The following AGBL3 variants were observed in gnomAD, a reference collection of about 807,000 sequenced individuals.
AGBL3 encodes the protein cytosolic carboxypeptidase 3.
In AGBL3, 68 loss-of-function variants were observed where a neutral mutation model predicts 94.5. The ratio of observed to expected loss-of-function variants is 0.72; its 90% confidence interval spans 0.59 to 0.88. The LOEUF is 0.88. Among genes scored for constraint, AGBL3 ranks in the 40% least tolerant of loss-of-function variants. The pLI is 0.00. For synonymous variants in AGBL3, 354 were observed against 370.7 expected (o/e 0.95, Z 0.52); for missense variants, 934 against 1,103.8 (o/e 0.85, Z 2.18).
At chr7:135,045,125 A>G (rs113525520) in intron 9 of AGBL3, among the ~76,000 whole-genome samples, 1,778 of 152,062 alleles carry the variant, frequency 0.012, 32 homozygotes, top group African/African-American at 0.041. Context: ...TACTGATATA[A>G]CATTTGTGAT....
intron 12 of AGBL3, among the ~76,000 whole-genome samples, chr7:135,076,171 C>G (rs1180235750): frequency 6.6e-6 from 1 of 152,200 alleles, no homozygotes; most frequent in Non-Finnish European, 1.5e-5. Flanking sequence ...GTGAACTCAT[C>G]ATCATGCCAC....
chr7:135,134,333 T>TA (rs1228980992), intron 16 of AGBL3, among the ~76,000 whole-genome samples: 1 of 152,040 alleles, frequency 6.6e-6, no homozygotes, highest in African/African-American at 2.4e-5. Flanking sequence ...AATGGAATGC[T>TA]AAAAAAACAG....
At chr7:135,110,114 G>T (rs930525693) in intron 15 of AGBL3, among the ~76,000 whole-genome samples, 2 of 152,192 alleles carry the variant, frequency 1.3e-5, no homozygotes, top group African/African-American at 4.8e-5. Context: ...TGGGAGCTCT[G>T]TCTCAGGGAG....
chr7:134,993,516 T>C lies in AGBL3; in HGVS notation c.148T>C (p.Phe50Leu). The C allele has an allele frequency of 6.5e-7, 1 of 1,548,056 alleles. No homozygotes were observed. Among genetic ancestry groups the C allele is most frequent in the Non-Finnish European group, 8.7e-7 (1 of 1,145,690 alleles). The change falls in exon 4 of 17, where the codon TTC becomes CTC. Residue 50 changes from phenylalanine (F) to leucine (L), a missense_variant. Physicochemically the swap from Phe to Leu is conservative, Grantham distance 22. Coordinates refer to ENST00000436302, the MANE Select transcript of AGBL3 (RefSeq NM_178563.4). Reference protein sequence around the residue: ...LTADSFGDPFFPRTTQILLEY... With the variant: ...LTADSFGDPFLPRTTQILLEY... ...AGCTGACTCTTTTGGTGATCCCTTC[T>C]TCCCCCGGACTACACAGATACTATT...
intron 11 of AGBL3, 129 bp downstream of exon 11, chr7:135,046,040 A>G (rs1817326963): frequency 3.0e-6 from 2 of 663,596 alleles, no homozygotes; most frequent in African/African-American, 1.8e-5. Context: ...AATTTCTCCC[A>G]TGCCCATTAT....
chr7:135,011,559 TAAGAA>T (rs1247636923), intron 4 of AGBL3: 7 of 152,092 alleles, frequency 4.6e-5, no homozygotes, highest in Admixed American at 1.3e-4. Flanking sequence ...CTGAAAGTAA[TAAGAA>T]AAGACAAACA....
At chr7:135,003,251 C>A (rs563430315) in intron 4 of AGBL3, among the ~76,000 whole-genome samples, 1 of 152,090 alleles carries the variant, frequency 6.6e-6, no homozygotes, top group Non-Finnish European at 1.5e-5. Context: ...AATGAATTAT[C>A]TTTTTCTACC....
intron 11 of AGBL3, among the ~76,000 whole-genome samples, chr7:135,053,471 G>A (rs902106721): frequency 2.0e-5 from 3 of 152,144 alleles, no homozygotes; most frequent in Non-Finnish European, 4.4e-5. Flanking sequence ...GCCAGGCATG[G>A]TGGTACATGC....
chr7:135,073,108 A>C (rs1028259126), intron 12 of AGBL3, among the ~76,000 whole-genome samples: 7 of 152,056 alleles, frequency 4.6e-5, no homozygotes, highest in Non-Finnish European at 7.4e-5. Flanking sequence ...AATCTAAAAA[A>C]GTGGACCTAA....
At chr7:135,123,343 G>A (rs1183043583) in intron 16 of AGBL3, among the ~76,000 whole-genome samples, 1 of 151,974 alleles carries the variant, frequency 6.6e-6, no homozygotes, top group Non-Finnish European at 1.5e-5. Flanking sequence ...CAAGACTAGA[G>A]AAAAAAGAAT....
At chr7:135,001,511 G>C (rs1811712411) in intron 4 of AGBL3, among the ~76,000 whole-genome samples, 1 of 152,162 alleles carries the variant, frequency 6.6e-6, no homozygotes, top group South Asian at 2.1e-4. Flanking sequence ...AAGGTAAATA[G>C]AACAGATTTG....
chr7:135,000,140 A>AT (rs2133405060), intron 4 of AGBL3, among the ~76,000 whole-genome samples: 1 of 152,316 alleles, frequency 6.6e-6, no homozygotes, highest in Non-Finnish European at 1.5e-5. Flanking sequence ...GCACTGCCTT[A>AT]TTAGAGTGTT....
chr7:135,101,364 G>T, intron 15 of AGBL3: 2 of 384,844 alleles, frequency 5.2e-6, no homozygotes, highest in South Asian at 2.0e-5. Context: ...TATGAAACTT[G>T]GATTATGGGA....
At chr7:135,027,773 T>G (rs939873400) in intron 5 of AGBL3, among the ~76,000 whole-genome samples, 1 of 151,672 alleles carries the variant, frequency 6.6e-6, no homozygotes, top group Non-Finnish European at 1.5e-5. Context: ...ACTCAGGAGA[T>G]GGACACCCTA....
At chr7:135,051,717 T>C (rs918406844) in intron 11 of AGBL3, among the ~76,000 whole-genome samples, 2 of 152,142 alleles carry the variant, frequency 1.3e-5, no homozygotes, top group Non-Finnish European at 2.9e-5. Context: ...TTATTTTTTA[T>C]ACTTGTATCT....
chr7:135,127,284 T>C (rs1311760965), intron 16 of AGBL3, among the ~76,000 whole-genome samples: 2 of 152,090 alleles, frequency 1.3e-5, no homozygotes, highest in East Asian at 1.9e-4. Context: ...TGGTTGGGTG[T>C]GGTGGCTCAC....
chr7:135,048,418 A>C (rs982012708), intron 11 of AGBL3, among the ~76,000 whole-genome samples: 5 of 151,874 alleles, frequency 3.3e-5, no homozygotes, highest in Non-Finnish European at 7.4e-5. Flanking sequence ...TAGTGATTGT[A>C]TTGAATGTGT....
Position 135,034,246 on chromosome 7 carries a change from A to G in AGBL3, c.655A>G (p.Ile219Val), listed in dbSNP as rs1385496713. ...YFQVTNMRAGIVYRFTIVNFT... is the reference protein window; with the variant it reads ...YFQVTNMRAGVVYRFTIVNFT... Reference sequence around the variant, plus strand: ...CCAAGTCACTAATATGCGAGCAGGAATAGTCTACAGATTCACTATTGTCAA... The same window carrying G: ...CCAAGTCACTAATATGCGAGCAGGAGTAGTCTACAGATTCACTATTGTCAA... Residue 219 changes from isoleucine (I) to valine (V), a missense_variant, in exon 7 of 17, where the codon ATA becomes GTA. By Grantham distance (29) the Ile-to-Val change is conservative. This residue lies in a region of AGBL3 where 488 missense variants were observed against 563.6 expected (regional missense o/e 0.87). Transcript: ENST00000436302. 2 of 1,551,736 alleles carry G rather than the reference A, an allele frequency of 1.3e-6. No homozygotes were observed. The highest frequency in any genetic ancestry group is 1.2e-5 in the South Asian group (1 of 84,058).
At chr7:134,989,197 AT>A (rs1303918446) in intron 2 of AGBL3, 52 bp from the exon 3 acceptor site, 32 of 1,355,082 alleles carry the variant, frequency 2.4e-5, no homozygotes, top group Non-Finnish European at 3.2e-5. Context: ...AAAATTCTGG[AT>A]TTGAAAACTG....
Sources: gnomAD v4.1 joint callset for allele counts (sites outside exome capture counted in the v4.1 genomes callset) on GRCh38, gnomAD v4.1.1 for gene constraint, gnomAD v4.1.1 regional missense constraint, MANE v1.5 for transcripts, NCBI Gene and HGNC (gene_info 2026-07-23, HGNC 2026-07-21) for gene names.